SQOR: variants seen among roughly 807,000 people sequenced by gnomAD.
SQOR encodes the protein sulfide:quinone oxidoreductase, mitochondrial.
In SQOR, 39 loss-of-function variants were observed where a neutral mutation model predicts 48.6. The observed-to-expected ratio is 0.80, with a 90% CI of 0.62 to 1.05. The LOEUF is 1.05. SQOR is among the 50% of genes least tolerant of loss of function. SQOR has a pLI of 0.00. For missense variants in SQOR, 561 were observed against 559.9 expected (o/e 1.00, Z -0.02); for synonymous variants, 220 against 206.2 (o/e 1.07, Z -0.57).
At chr15:45,690,082 C>CT (rs11449007) in intron 9 of SQOR, among the ~76,000 whole-genome samples, 55,808 of 136,904 alleles carry the variant, frequency 0.41, 11,901 homozygotes, top group Non-Finnish European at 0.45. Flanking sequence ...CCTCTTCCTC[C>CT]TTTTTTTTTT....
chr15:45,667,941 CT>C (rs1204451548), intron 3 of SQOR, among the ~76,000 whole-genome samples: 24,393 of 102,736 alleles, frequency 0.24, 2,153 homozygotes, highest in East Asian at 0.58. Flanking sequence ...TTCTTTCTTT[CT>C]TTTTTTTTTT....
chr15:45,636,072 G>T (rs978925652), intron 1 of SQOR, among the ~76,000 whole-genome samples: 1 of 152,020 alleles, frequency 6.6e-6, no homozygotes. Context: ...CAAATGATCC[G>T]CACACTTCGG....
intron 1 of SQOR, among the ~76,000 whole-genome samples, chr15:45,658,356 G>A (rs907692851): frequency 6.6e-6 from 1 of 152,166 alleles, no homozygotes; most frequent in African/African-American, 2.4e-5. Context: ...TGGGGGCTGA[G>A]GCCTTGATTG....
chr15:45,641,239 A>G (rs187637629), intron 1 of SQOR, among the ~76,000 whole-genome samples: 1 of 152,336 alleles, frequency 6.6e-6, no homozygotes, highest in Non-Finnish European at 1.5e-5. Flanking sequence ...TGATTGTAAA[A>G]TAAGGATAGG....
intron 1 of SQOR, among the ~76,000 whole-genome samples, chr15:45,654,014 C>G (rs1889546408): frequency 6.6e-6 from 1 of 150,982 alleles, no homozygotes; most frequent in South Asian, 2.1e-4. Context: ...CCCAGCTACT[C>G]AGGAGGCTGA....
chr15:45,668,100 A>G (rs2140953188), intron 3 of SQOR, among the ~76,000 whole-genome samples: 1 of 151,732 alleles, frequency 6.6e-6, no homozygotes, highest in South Asian at 2.1e-4. Context: ...GCCCGCCACC[A>G]TACCCAGCTA....
At chr15:45,663,270 A>C (rs550156359) in intron 3 of SQOR, among the ~76,000 whole-genome samples, 1 of 152,094 alleles carries the variant, frequency 6.6e-6, no homozygotes, top group East Asian at 1.9e-4. Context: ...CACCTGCCTC[A>C]GCCTCCCAAA....
intron 1 of SQOR, among the ~76,000 whole-genome samples, chr15:45,654,125 A>ACAG (rs367730658): frequency 1.4e-5 from 2 of 143,926 alleles, no homozygotes; most frequent in Non-Finnish European, 2.9e-5. Context: ...CAAAAAAAAA[A>ACAG]AAAAAAAAAG....
At chr15:45,647,174 G>A (rs1035047251) in intron 1 of SQOR, among the ~76,000 whole-genome samples, 8 of 151,780 alleles carry the variant, frequency 5.3e-5, no homozygotes, top group South Asian at 4.2e-4. Context: ...GCTTGAATCC[G>A]GGAGGAGGAG....
intron 6 of SQOR, among the ~76,000 whole-genome samples, chr15:45,676,899 G>C (rs1355517946): frequency 6.6e-6 from 1 of 152,092 alleles, no homozygotes; most frequent in African/African-American, 2.4e-5. Flanking sequence ...AAATTAGCTG[G>C]GCGTGGTGGC....
At chr15:45,689,337 C>G (rs1324290198) in intron 9 of SQOR, 120 bp downstream of exon 9, 1 of 891,680 alleles carries the variant, frequency 1.1e-6, no homozygotes, top group African/African-American at 1.7e-5. Flanking sequence ...CTTCCATGCT[C>G]TAGGCCCTCT....
intron 7 of SQOR, among the ~76,000 whole-genome samples, chr15:45,684,733 C>A (rs1336115690): frequency 2.0e-5 from 3 of 152,180 alleles, no homozygotes; most frequent in Non-Finnish European, 2.9e-5. Context: ...GTGAAACTAC[C>A]TGTGATGTGA....
chr15:45,644,106 G>C (rs1217742775), intron 1 of SQOR, among the ~76,000 whole-genome samples: 1 of 151,864 alleles, frequency 6.6e-6, no homozygotes, highest in African/African-American at 2.4e-5. Context: ...TCCTTTTTGA[G>C]ACGGAGTCTT....
At chr15:45,655,906 C>T (rs975218229) in intron 1 of SQOR, among the ~76,000 whole-genome samples, 9 of 151,616 alleles carry the variant, frequency 5.9e-5, no homozygotes, top group East Asian at 3.9e-4. Context: ...AGGATGGTCT[C>T]GATCTCCTGA....
At chr15:45,662,495 G>A (rs1306054868) in intron 3 of SQOR, among the ~76,000 whole-genome samples, 5 of 152,068 alleles carry the variant, frequency 3.3e-5, no homozygotes, top group East Asian at 3.9e-4. Context: ...ATTTTCTACC[G>A]GTCGCCTAGC....
At chr15:45,667,937 CTTTCTTTT>C (rs1889866668) in intron 3 of SQOR, among the ~76,000 whole-genome samples, 2 of 99,528 alleles carry the variant, frequency 2.0e-5, no homozygotes, top group Non-Finnish European at 4.3e-5. Context: ...TTCTTTCTTT[CTTTCTTTT>C]TTTTTTTTTT....
chr15:45,670,114 G>T, intron 4 of SQOR, 133 bp downstream of exon 4: 1 of 815,064 alleles, frequency 1.2e-6, no homozygotes, highest in Non-Finnish European at 2.0e-6. Context: ...TTTATTTCTT[G>T]GCAGTCCTTT....
At chr15:45,681,109 A>G (rs1351492390) in intron 6 of SQOR, among the ~76,000 whole-genome samples, 2 of 152,198 alleles carry the variant, frequency 1.3e-5, no homozygotes, top group African/African-American at 4.8e-5. Context: ...TGGCTGAGGC[A>G]GGAGGATTGC....
At chr15:45,687,975 C>T (rs1429020303) in intron 7 of SQOR, among the ~76,000 whole-genome samples, 3 of 152,190 alleles carry the variant, frequency 2.0e-5, no homozygotes, top group South Asian at 2.1e-4. Flanking sequence ...TGCCTGTGAA[C>T]AGGGACACAG....
Sources: allele counts gnomAD v4.1 joint callset (sites outside exome capture counted in the v4.1 genomes callset), GRCh38; gene constraint gnomAD v4.1.1; transcripts MANE v1.5; gene names NCBI Gene and HGNC (gene_info 2026-07-23, HGNC 2026-07-21).